TAF4B: variants seen among roughly 807,000 people sequenced by gnomAD.
TAF4B encodes the protein TATA-box binding protein associated factor 4b.
TAF4B carries 38 observed loss-of-function variants against 86.4 expected under a neutral mutation model. That is an observed-to-expected ratio of 0.44 (90% CI 0.34 to 0.58). The LOEUF is 0.58. Ranked by LOEUF, TAF4B falls within the 20% of genes least tolerant of loss-of-function variation. The pLI is 0.02. For synonymous variants in TAF4B, 388 were observed against 391.2 expected, an observed-to-expected ratio of 0.99 and a Z score of 0.10; for missense variants, 988 against 1,027.6, an observed-to-expected ratio of 0.96 and a Z score of 0.53.
intron 13 of TAF4B, among the ~76,000 whole-genome samples, chr18:26,356,168 C>T (rs937712146): frequency 6.6e-6 from 1 of 152,106 alleles, no homozygotes; most frequent in Non-Finnish European, 1.5e-5. Flanking sequence ...CCTACTTGCG[C>T]ACTATGTTCT....
intron 14 of TAF4B, among the ~76,000 whole-genome samples, chr18:26,382,437 C>T (rs191050125): frequency 1.2e-4 from 18 of 151,988 alleles, no homozygotes; most frequent in Admixed American, 1.0e-3. Context: ...TGGGCTGAAG[C>T]ACTTTCTTAA....
At chr18:26,323,500 C>T (rs1423179178) in intron 11 of TAF4B, among the ~76,000 whole-genome samples, 4 of 149,428 alleles carry the variant, frequency 2.7e-5, no homozygotes, top group African/African-American at 7.4e-5. Context: ...CTAAGACTAA[C>T]AGGCGTGTGC....
chr18:26,309,245 ATTTTTTTTTTTTTTTTTTTTTTT>A (rs59457633), intron 9 of TAF4B, among the ~76,000 whole-genome samples: 2 of 84,552 alleles, frequency 2.4e-5, no homozygotes, highest in Non-Finnish European at 4.6e-5. Flanking sequence ...ACCTGACAGT[ATTTTTTTTTTTTTTTTTTTTTTT>A]TTTTTTTTTT....
chr18:26,255,169 A>C lies in TAF4B; in HGVS notation c.344-10001A>C, dbSNP rs536338460. On this transcript the variant is annotated intron_variant, in intron 1 of 14. Coordinates refer to ENST00000269142, the MANE Select transcript of TAF4B (RefSeq NM_005640.3). ...TGTCCCCTGAAATTCCCCTGGTTTC[A>C]TTCATTAGAAGGGGATTAAAAAAAA... 2.6e-5 allele frequency among the ~76,000 whole-genome samples: 4 copies of C among 151,702 alleles called. No individual in the cohort carries two copies. The South Asian group carries it at 6.3e-4, about 24-fold the overall frequency.
intron 13 of TAF4B, among the ~76,000 whole-genome samples, chr18:26,347,832 T>C (rs2057212591): frequency 6.6e-6 from 1 of 152,110 alleles, no homozygotes; most frequent in Non-Finnish European, 1.5e-5. Flanking sequence ...ACAAAGACAT[T>C]ATACAATAAG....
chr18:26,309,234 A>T (rs1048865316), intron 9 of TAF4B, among the ~76,000 whole-genome samples: 1 of 141,224 alleles, frequency 7.1e-6, no homozygotes, highest in Non-Finnish European at 1.5e-5. Flanking sequence ...TTAGGGAAAA[A>T]ACCTGACAGT....
intron 13 of TAF4B, among the ~76,000 whole-genome samples, chr18:26,352,641 C>T (rs1439180448): frequency 6.6e-6 from 1 of 152,046 alleles, no homozygotes; most frequent in Non-Finnish European, 1.5e-5. Context: ...GGGATCTTAC[C>T]CCCAGATGCC....
At chr18:26,288,624 A>G (rs558472986) in intron 7 of TAF4B, among the ~76,000 whole-genome samples, 2 of 152,094 alleles carry the variant, frequency 1.3e-5, no homozygotes, top group Non-Finnish European at 2.9e-5. Context: ...GACGAGCGAA[A>G]CTCGTCATCT....
intron 12 of TAF4B, 51 bp downstream of exon 12, chr18:26,327,191 A>G: frequency 6.4e-7 from 1 of 1,574,178 alleles, no homozygotes; most frequent in Non-Finnish European, 8.6e-7. Flanking sequence ...GTGTGGTCAG[A>G]GGTGGCTTTA....
chr18:26,241,184 G>A (rs1369538181), intron 1 of TAF4B, among the ~76,000 whole-genome samples: 3 of 152,106 alleles, frequency 2.0e-5, no homozygotes, highest in African/African-American at 7.2e-5. Context: ...TGTACCTCTG[G>A]TAGAATTCGG....
chr18:26,275,186 C>T (rs556461195), intron 5 of TAF4B, 133 bp downstream of exon 5: 96 of 1,045,356 alleles, frequency 9.2e-5, no homozygotes, highest in African/African-American at 6.3e-4. Flanking sequence ...GACAGAGTCT[C>T]GCTCTGTTGC....
intron 11 of TAF4B, among the ~76,000 whole-genome samples, chr18:26,326,068 G>A (rs1267273196): frequency 3.9e-5 from 6 of 152,034 alleles, no homozygotes; most frequent in Non-Finnish European, 5.9e-5. Context: ...AAAGACATTC[G>A]GTTTTTCTAC....
chr18:26,266,094 T>C (rs977887290), intron 2 of TAF4B: 15 of 152,196 alleles, frequency 9.9e-5, no homozygotes, highest in African/African-American at 3.6e-4. Context: ...TTAATTTTAA[T>C]TTTTGGTAAA....
chr18:26,234,848 G>C (rs1198419214), intron 1 of TAF4B, among the ~76,000 whole-genome samples: 1 of 152,228 alleles, frequency 6.6e-6, no homozygotes, highest in Non-Finnish European at 1.5e-5. Context: ...GCAGTTGTCT[G>C]ATAGCCATAA....
Position 26,391,238 on chromosome 18 carries a change from G to A in TAF4B, c.*1226G>A, listed in dbSNP as rs1052182526. The A allele has an allele frequency of 4.0e-5, 6 of 150,492 alleles. No individual in the cohort carries two copies. Among genetic ancestry groups the A allele is most frequent in the African/African-American group, 1.2e-4 (5 of 40,966 alleles). 9.3% of individuals were successfully genotyped at this position (150,492 alleles called of 1,614,324 possible). A position where few individuals can be genotyped will look rare whatever the true frequency, so the allele number is the denominator to read the frequency against. ...AAAAAAAAAAAAAAGAAAATTCCAC[G>A]TGTGTGGAATACAGCCGGTGAAAAA... On this transcript the variant is annotated 3_prime_UTR_variant, in exon 15 of 15. Coordinates refer to ENST00000269142, the MANE Select transcript of TAF4B (RefSeq NM_005640.3).
intron 9 of TAF4B, among the ~76,000 whole-genome samples, chr18:26,302,634 A>T (rs2056748781): frequency 6.6e-6 from 1 of 152,070 alleles, no homozygotes; most frequent in African/African-American, 2.4e-5. Flanking sequence ...AAGTGCTGGG[A>T]TTACAGGTGT....
At chr18:26,229,978 T>TATAC (rs1555669591) in intron 1 of TAF4B, among the ~76,000 whole-genome samples, 19 of 150,902 alleles carry the variant, frequency 1.3e-4, no homozygotes, top group African/African-American at 3.4e-4. Flanking sequence ...TATATATATA[T>TATAC]ACACACACAC....
intron 9 of TAF4B, among the ~76,000 whole-genome samples, chr18:26,306,103 C>CCT (rs1433833391): frequency 2.0e-5 from 3 of 152,154 alleles, no homozygotes; most frequent in African/African-American, 7.2e-5. Flanking sequence ...TCCATGTTTG[C>CCT]CTCCTTTCTG....
rs1978670041 is a variant in TAF4B, at chr18:26,390,913, T to C, written c.*901T>C. On this transcript the variant is annotated 3_prime_UTR_variant, in exon 15 of 15. Transcript: ENST00000269142. ...GAGAATGTACCAGATGTTTTCAAAT[T>C]AGAGTATTTCAAAAGGAAAATGTTA... 1 of 152,168 alleles carries C rather than the reference T, an allele frequency of 6.6e-6. No homozygotes were observed. The highest frequency in any genetic ancestry group is 6.5e-5 in the Admixed American group (1 of 15,276). The allele number at this position is 152,168 out of a possible 1,614,324, so 9.4% of individuals were successfully genotyped here.
Sources: gnomAD v4.1 joint callset for allele counts (sites outside exome capture counted in the v4.1 genomes callset) on GRCh38, gnomAD v4.1.1 for gene constraint, MANE v1.5 for transcripts, NCBI Gene and HGNC (gene_info 2026-07-23, HGNC 2026-07-21) for gene names.